Variants in EPHB2 observed in about 807,000 individuals in gnomAD.
EPHB2 encodes ephrin type-B receptor 2.
A neutral mutation model predicts 96.4 loss-of-function variants in EPHB2; 18 were observed. The ratio of observed to expected loss-of-function variants is 0.19; its 90% CI spans 0.13 to 0.28. The LOEUF (loss-of-function observed/expected upper bound fraction) is 0.28. Ranked by LOEUF, EPHB2 falls within the 10% of genes least tolerant of loss-of-function variation. The pLI is 1.00. For missense variants in EPHB2, 989 were observed against 1,355.4 expected, an observed-to-expected ratio of 0.73 and a Z score of 4.25; for synonymous variants, 506 against 534.1, an observed-to-expected ratio of 0.95 and a Z score of 0.72.
Position 22,906,928 on chromosome 1 carries a change from G to A in EPHB2, c.2107G>A (p.Glu703Lys), listed in dbSNP as rs1487133708. Residue 703 changes from glutamate (E) to lysine (K), a missense_variant, in exon 11 of 16, where the codon GAG (glutamate) becomes AAG (lysine). By Grantham distance (56) the Glu-to-Lys change is moderately conservative. Transcript: ENST00000374630. This position sits in a 1 kb window ranked among gnomAD's most constrained non-coding sequence, Gnocchi z 4.8. ...TPVMIITEFMENGSLDSFLRQ... is the reference protein window; with the variant it reads ...TPVMIITEFMKNGSLDSFLRQ... The stretch of plus-strand genomic sequence containing the variant: ...TGTGATGATCATCACCGAGTTCATG[G>A]AGAATGGCTCCCTGGACTCCTTTCT... 1 of 1,612,972 alleles carries A rather than the reference G, an allele frequency of 6.2e-7. No homozygotes were observed. The highest frequency in any genetic ancestry group is 8.5e-7 in the Non-Finnish European group (1 of 1,179,136).
intron 1 of EPHB2, among the ~76,000 whole-genome samples, chr1:22,744,968 A>G (rs1422396133): frequency 2.6e-5 from 4 of 152,244 alleles, no homozygotes; most frequent in Non-Finnish European, 4.4e-5. Flanking sequence ...CACGTTGAGC[A>G]GGCTGAGGAG....
At chr1:22,866,325 T>G (rs1221182596) in intron 5 of EPHB2, among the ~76,000 whole-genome samples, 1 of 152,090 alleles carries the variant, frequency 6.6e-6, no homozygotes, top group African/African-American at 2.4e-5. Context: ...CTTTCTGATG[T>G]AGGGTGGGGC....
chr1:22,783,437 C>T (rs1224784425), intron 2 of EPHB2, among the ~76,000 whole-genome samples: 1 of 152,218 alleles, frequency 6.6e-6, no homozygotes, highest in East Asian at 1.9e-4. Context: ...CTCAGTCCCA[C>T]TGACACTGGC....
intron 3 of EPHB2, among the ~76,000 whole-genome samples, chr1:22,820,596 G>A (rs1645139648): frequency 6.6e-6 from 1 of 152,006 alleles, no homozygotes; most frequent in African/African-American, 2.4e-5. Context: ...CCAGGAGGTT[G>A]AGGCTGCAGT....
At chr1:22,886,222 A>G (rs1165046000) in intron 6 of EPHB2, among the ~76,000 whole-genome samples, 1 of 152,208 alleles carries the variant, frequency 6.6e-6, no homozygotes, top group East Asian at 1.9e-4. Context: ...AGGTGGGAAC[A>G]CAGTTGTTCT....
At chr1:22,743,628 C>T (rs944988541) in intron 1 of EPHB2, among the ~76,000 whole-genome samples, 8 of 152,136 alleles carry the variant, frequency 5.3e-5, no homozygotes, top group Non-Finnish European at 7.4e-5. Context: ...CGCACCACCA[C>T]ACCCAACTAA....
intron 5 of EPHB2, among the ~76,000 whole-genome samples, chr1:22,878,955 C>T (rs545743312): frequency 4.6e-5 from 7 of 152,334 alleles, no homozygotes; most frequent in East Asian, 1.9e-4. Context: ...CACATATCAA[C>T]GTGCTGTAAG....
rs759453037 is a variant in EPHB2, at chr1:22,865,077, G to A, written c.1168G>A (p.Glu390Lys). The A allele has an allele frequency of 1.4e-5, 22 of 1,614,200 alleles. No individual in the cohort carries two copies. The highest frequency in any genetic ancestry group is 1.7e-5 in the Admixed American group (1 of 60,036). Residue 390 changes from glutamate to lysine, a missense_variant, in exon 5 of 16, where the codon GAG becomes AAG. By Grantham distance (56) the Glu-to-Lys change is moderately conservative. Coordinates refer to ENST00000374630, the MANE Select transcript of EPHB2 (RefSeq NM_017449.5). ...CGCACCACGCCAGCTAGGCCTGACC[G>A]AGCCACGCATTTACATCAGTGACCT... ...QYAPRQLGLT[E>K]PRIYISDLLA...
chr1:22,803,817 G>C (rs1474187404), intron 3 of EPHB2, among the ~76,000 whole-genome samples: 2 of 151,388 alleles, frequency 1.3e-5, no homozygotes, highest in African/African-American at 4.9e-5. Context: ...GGGAGGCTGA[G>C]GTGGGAAGAT....
chr1:22,810,040 A>C (rs1245576930), intron 3 of EPHB2, among the ~76,000 whole-genome samples: 5 of 152,158 alleles, frequency 3.3e-5, no homozygotes, highest in African/African-American at 1.2e-4. Flanking sequence ...AGGGCATTCC[A>C]GGTGGAGAAT....
At chr1:22,905,761 C>T (rs892876529) in intron 9 of EPHB2, among the ~76,000 whole-genome samples, 7 of 152,162 alleles carry the variant, frequency 4.6e-5, no homozygotes, top group African/African-American at 1.7e-4. Flanking sequence ...AGAGCTAAGA[C>T]CTATCTGCCA....
At chr1:22,740,911 T>TG (rs575661836) in intron 1 of EPHB2, among the ~76,000 whole-genome samples, 76 of 152,124 alleles carry the variant, frequency 5.0e-4, no homozygotes, top group African/African-American at 1.7e-3. Flanking sequence ...CTCCCCTGGC[T>TG]GGGGGGCGGT....
At chr1:22,843,834 C>A (rs1277968165) in intron 3 of EPHB2, among the ~76,000 whole-genome samples, 1 of 152,264 alleles carries the variant, frequency 6.6e-6, no homozygotes, top group Non-Finnish European at 1.5e-5. Context: ...GGCCACCGTA[C>A]CCAGCCTCTT....
At chr1:22,726,494 C>T (rs1191829175) in intron 1 of EPHB2, among the ~76,000 whole-genome samples, 1 of 151,688 alleles carries the variant, frequency 6.6e-6, no homozygotes, top group Non-Finnish European at 1.5e-5. Context: ...GATCTTGGCT[C>T]ACTGCAACCT....
chr1:22,788,974 C>T (rs890247714), intron 3 of EPHB2, among the ~76,000 whole-genome samples: 8 of 152,142 alleles, frequency 5.3e-5, no homozygotes, highest in East Asian at 1.9e-4. Flanking sequence ...AGGCTGGTCT[C>T]GAACTCCTGG....
rs1645135670 is a variant in EPHB2 at position 22,820,358 on chromosome 1, A to G, written c.811+35282A>G. On this transcript the variant is annotated intron_variant, in intron 3 of 15. Transcript: ENST00000374630. ...AGCTGATGAGAATAATAATAATGATAGCTGTAACAATAGCAGCTATTGCTG... is the reference window on the plus strand; with the variant it reads ...AGCTGATGAGAATAATAATAATGATGGCTGTAACAATAGCAGCTATTGCTG... Among the ~76,000 whole-genome samples the G allele has an allele frequency of 2.0e-5, 3 of 152,174 alleles. No individual in the cohort carries two copies. In the South Asian group the frequency reaches 6.2e-4, roughly 32 times the overall value.
chr1:22,906,794 G>A lies in EPHB2; in HGVS notation c.1973G>A (p.Gly658Asp). The change falls in exon 11 of 16, where the codon GGC becomes GAC. Residue 658 changes from glycine to aspartate, a missense_variant. Gly to Asp is a moderately conservative substitution (Grantham distance 94). Coordinates refer to ENST00000374630, the MANE Select transcript of EPHB2 (RefSeq NM_017449.5). The surrounding 1 kb of genome is among the most constrained non-coding windows in gnomAD (Gnocchi z 4.8). ...GTGGCCATCAAGACGCTCAAGTCGG[G>A]CTACACGGAGAAGCAGCGCCGGGAC... ...IFVAIKTLKS[G>D]YTEKQRRDFL... The A allele has an allele frequency of 1.9e-6, 3 of 1,614,248 alleles. No homozygotes were observed. Among genetic ancestry groups the A allele is most frequent in the Non-Finnish European group, 2.5e-6 (3 of 1,180,052 alleles).
At chr1:22,905,879 G>C in intron 9 of EPHB2, 108 bp from the exon 10 acceptor site, 1 of 1,573,578 alleles carries the variant, frequency 6.4e-7, no homozygotes, top group African/African-American at 1.3e-5. Context: ...GTTCTTATGG[G>C]GGCCACATGG....
At chr1:22,720,664 C>CA (rs1386137916) in intron 1 of EPHB2, among the ~76,000 whole-genome samples, 4 of 103,500 alleles carry the variant, frequency 3.9e-5, no homozygotes, top group Non-Finnish European at 8.8e-5. Flanking sequence ...TCTCATTCCC[C>CA]CCCCCCCCCG....
Sources: gnomAD v4.1 joint callset for allele counts (sites outside exome capture counted in the v4.1 genomes callset) on GRCh38, gnomAD v4.1.1 for gene constraint, Gnocchi (gnomAD v3.1) non-coding constraint, MANE v1.5 for transcripts, NCBI Gene and HGNC (gene_info 2026-07-23, HGNC 2026-07-21) for gene names.